The following WWOX variants were observed in gnomAD, a reference collection of about 807,000 sequenced individuals.
WWOX encodes the protein WW domain-containing oxidoreductase.
In WWOX, 69 loss-of-function variants were observed where a neutral mutation model predicts 46.2. The observed-to-expected ratio is 1.49, with a 90% CI of 1.23 to 1.82. The LOEUF (loss-of-function observed/expected upper bound fraction) is 1.82, where lower values mean the gene tolerates loss of function less well. Ranked by LOEUF, WWOX falls within the 40% of genes most tolerant of loss-of-function variation. The pLI is 0.00. For synonymous variants in WWOX, 359 were observed against 202.6 expected, an observed-to-expected ratio of 1.77 and a Z score of -6.56; for missense variants, 919 against 542.6, an observed-to-expected ratio of 1.69 and a Z score of -6.89.
intron 8 of WWOX, among the ~76,000 whole-genome samples, chr16:78,812,120 A>C (rs568743494): frequency 3.2e-4 from 49 of 152,132 alleles, no homozygotes; most frequent in Middle Eastern, 3.2e-3. Flanking sequence ...CAGCCACCAC[A>C]GAGACCAAAT....
At chr16:78,740,574 C>G (rs556631123) in intron 8 of WWOX, among the ~76,000 whole-genome samples, 2 of 152,102 alleles carry the variant, frequency 1.3e-5, no homozygotes, top group Non-Finnish European at 2.9e-5. Flanking sequence ...GTGTGGTGTG[C>G]AGAGAGCACT....
At chr16:78,666,392 C>A (rs2047333765) in intron 8 of WWOX, among the ~76,000 whole-genome samples, 1 of 152,150 alleles carries the variant, frequency 6.6e-6, no homozygotes, top group Non-Finnish European at 1.5e-5. Context: ...CTAGAGGGAT[C>A]CCAGTTTTAC....
chr16:78,690,052 G>C (rs141389739), intron 8 of WWOX, among the ~76,000 whole-genome samples: 1 of 151,926 alleles, frequency 6.6e-6, no homozygotes, highest in East Asian at 1.9e-4. Flanking sequence ...GTAGAGATGC[G>C]GTTTCACCAT....
intron 8 of WWOX, among the ~76,000 whole-genome samples, chr16:79,114,732 C>T (rs2049480347): frequency 6.6e-6 from 1 of 152,164 alleles, no homozygotes; most frequent in African/African-American, 2.4e-5. Context: ...CATCCCCTGT[C>T]AACAAACCAA....
chr16:79,060,240 G>C (rs2048334714), intron 8 of WWOX, among the ~76,000 whole-genome samples: 1 of 152,202 alleles, frequency 6.6e-6, no homozygotes, highest in African/African-American at 2.4e-5. Context: ...TCTATCTGCA[G>C]TGTTTCCAAA....
At chr16:79,184,480 G>A (rs1185879916) in intron 8 of WWOX, among the ~76,000 whole-genome samples, 1 of 152,160 alleles carries the variant, frequency 6.6e-6, no homozygotes, top group African/African-American at 2.4e-5. Context: ...CTTTGCTGCA[G>A]ACTGACCAAA....
intron 8 of WWOX, among the ~76,000 whole-genome samples, chr16:78,464,644 C>T (rs964589289): frequency 2.0e-5 from 3 of 152,086 alleles, no homozygotes; most frequent in African/African-American, 4.8e-5. Flanking sequence ...CTGCTTTTGC[C>T]CCTCTGTAAA....
intron 8 of WWOX, among the ~76,000 whole-genome samples, chr16:79,066,022 T>G (rs1260030139): frequency 6.6e-6 from 1 of 152,236 alleles, no homozygotes; most frequent in African/African-American, 2.4e-5. Context: ...AAAGTCCAAA[T>G]CCAGTCTGTT....
intron 8 of WWOX, chr16:78,825,947 G>C: frequency 2.5e-6 from 2 of 799,026 alleles, no homozygotes; most frequent in Admixed American, 2.3e-5. Flanking sequence ...TCCCATCTCA[G>C]AACAGAAGGG....
intron 8 of WWOX, among the ~76,000 whole-genome samples, chr16:78,684,203 C>G (rs575241428): frequency 1.3e-5 from 2 of 152,178 alleles, no homozygotes; most frequent in Non-Finnish European, 2.9e-5. Context: ...CATGAGTCAT[C>G]TTTCCCATTG....
intron 8 of WWOX, among the ~76,000 whole-genome samples, chr16:78,558,707 C>T (rs570858196): frequency 5.9e-5 from 9 of 152,352 alleles, no homozygotes; most frequent in Admixed American, 1.3e-4. Context: ...CTGGCCTCTG[C>T]CAGTGTCACT....
In WWOX at chr16:78,164,179, A is replaced by G. The variant is rs183410581; in HGVS notation, c.410-4A>G. Reference sequence around the variant, plus strand: ...TCTAACATTGACTTTCCTTTAAACCATAGGGTTCGAAACCGCCAAGTCTTT... The same window carrying G: ...TCTAACATTGACTTTCCTTTAAACCGTAGGGTTCGAAACCGCCAAGTCTTT... On this transcript the variant is annotated splice_polypyrimidine_tract_variant and splice_region_variant and intron_variant, in intron 4 of 8. Coordinates refer to ENST00000566780, the MANE Select transcript of WWOX (RefSeq NM_016373.4). 5.6e-6 allele frequency: 9 copies of G among 1,613,440 alleles called. No individual in the cohort carries two copies. Among genetic ancestry groups the G allele is most frequent in the African/African-American group, 4.0e-5 (3 of 74,932 alleles).
At chr16:78,900,677 C>T (rs1371553792) in intron 8 of WWOX, among the ~76,000 whole-genome samples, 1 of 152,266 alleles carries the variant, frequency 6.6e-6, no homozygotes, top group African/African-American at 2.4e-5. Context: ...CTCATCAGAT[C>T]ATATGTTTGG....
intron 5 of WWOX, among the ~76,000 whole-genome samples, chr16:78,220,767 A>T (rs1348905896): frequency 1.4e-4 from 22 of 152,208 alleles, no homozygotes; most frequent in Admixed American, 2.0e-4. Flanking sequence ...TCTGAGCTAG[A>T]ATGTGATGAG....
intron 5 of WWOX, among the ~76,000 whole-genome samples, chr16:78,192,897 G>A (rs914846206): frequency 3.9e-5 from 6 of 152,334 alleles, no homozygotes; most frequent in African/African-American, 7.2e-5. Context: ...CAAGGATGGC[G>A]TATTGGCCAC....
At chr16:78,468,486 G>T (rs915158758) in intron 8 of WWOX, among the ~76,000 whole-genome samples, 1 of 152,084 alleles carries the variant, frequency 6.6e-6, no homozygotes, top group African/African-American at 2.4e-5. Context: ...CCATCCCATG[G>T]AATGCTGTTC....
chr16:78,503,457 A>C (rs2085117959), intron 8 of WWOX, among the ~76,000 whole-genome samples: 1 of 152,068 alleles, frequency 6.6e-6, no homozygotes, highest in Non-Finnish European at 1.5e-5. Context: ...GTAAAAAAAA[A>C]AAATTTTTTT....
intron 2 of WWOX, among the ~76,000 whole-genome samples, chr16:78,109,284 C>T (rs938487284): frequency 6.6e-6 from 1 of 151,736 alleles, no homozygotes; most frequent in South Asian, 2.1e-4. Flanking sequence ...CCTGGGAATT[C>T]GAGGTGAGCC....
chr16:78,713,014 A>T (rs2048476756), intron 8 of WWOX, among the ~76,000 whole-genome samples: 1 of 152,050 alleles, frequency 6.6e-6, no homozygotes, highest in Non-Finnish European at 1.5e-5. Context: ...TCATGCCTGT[A>T]ATCCCAGTGC....
Sources: allele counts gnomAD v4.1 joint callset (sites outside exome capture counted in the v4.1 genomes callset), GRCh38; gene constraint gnomAD v4.1.1; transcripts MANE v1.5; gene names NCBI Gene and HGNC (gene_info 2026-07-23, HGNC 2026-07-21).